The following SCP2 variants were observed in gnomAD, a reference collection of about 807,000 sequenced individuals.
SCP2 encodes SCP-2/3-oxoacyl-CoA thiolase.
Under a neutral mutation model 71.4 loss-of-function variants are expected in SCP2, and 48 were observed. The observed-to-expected ratio is 0.67, with a 90% CI of 0.53 to 0.86. SCP2 has a LOEUF of 0.86. SCP2 is among the 40% of genes least tolerant of loss of function. The pLI, the probability that SCP2 is intolerant of heterozygous loss-of-function variation, is 0.00. For missense variants in SCP2, 560 were observed against 655.6 expected, an observed-to-expected ratio of 0.85 and a Z score of 1.59; for synonymous variants, 220 against 218.1, an observed-to-expected ratio of 1.01 and a Z score of -0.08.
chr1:52,994,468 C>T (rs920099724), intron 11 of SCP2: 1 of 176,690 alleles, frequency 5.7e-6, no homozygotes, highest in Non-Finnish European at 1.1e-5. Context: ...CTGAAATACT[C>T]AGAAATCATG....
chr1:53,038,413 G>C (rs1663178753), intron 13 of SCP2, among the ~76,000 whole-genome samples: 1 of 151,824 alleles, frequency 6.6e-6, no homozygotes, highest in Admixed American at 6.6e-5. Flanking sequence ...AGCCCTTTTT[G>C]TTCTTTTTTG....
chr1:52,982,615 G>T (rs778681434), intron 10 of SCP2, among the ~76,000 whole-genome samples: 1 of 152,094 alleles, frequency 6.6e-6, no homozygotes, highest in African/African-American at 2.4e-5. Flanking sequence ...GAACCACTGC[G>T]ATAAGAATTA....
At chr1:52,996,425 G>A (rs966229468) in intron 11 of SCP2, among the ~76,000 whole-genome samples, 2 of 152,226 alleles carry the variant, frequency 1.3e-5, no homozygotes, top group Non-Finnish European at 2.9e-5. Context: ...AAGGTGGCAG[G>A]TAGAAGTCAC....
rs1307163733 is a variant in SCP2, at chr1:52,963,776, ACTT to A, written c.523+2153_523+2155del. 10 of 152,192 alleles carry A rather than the reference ACTT, an allele frequency of 6.6e-5. No homozygotes were observed. The South Asian group carries it at 1.2e-3, about 19-fold the overall frequency. 9.4% of individuals were successfully genotyped at this position (152,192 alleles called of 1,614,324 possible). Reference sequence around the variant, plus strand: ...ACCTGAAGCTTGGAGAATTTGAGTAACTTCTTCTAATAGGTGATAGGAGAGGGT... The same window carrying A: ...ACCTGAAGCTTGGAGAATTTGAGTAACTTCTAATAGGTGATAGGAGAGGGT... On this transcript the variant is annotated intron_variant, in intron 6 of 15. Transcript: ENST00000371514.
rs747622162 is a variant in SCP2, at chr1:52,978,286, A to G, written c.744A>G (p.Gln248=). The G allele has an allele frequency of 1.2e-6, 2 of 1,614,120 alleles. No homozygotes were observed. Among genetic ancestry groups the G allele is most frequent in the South Asian group, 2.2e-5 (2 of 91,080 alleles). Residue 248 remains glutamine (Q), a synonymous_variant, in exon 9 of 16, where the codon CAA becomes CAG. Coordinates refer to ENST00000371514, the MANE Select transcript of SCP2 (RefSeq NM_002979.5). The part of the protein sequence containing the change: ...SEAFVQKYGL[Q]SKAVEILAQE... ...CATTTGTACAGAAGTATGGCCTGCA[A>G]TCCAAAGCTGTGGAAATTTTGGCAC...
At chr1:52,950,671 A>G (rs1039776421) in intron 3 of SCP2, 84 bp from the exon 4 acceptor site, 8 of 1,091,416 alleles carry the variant, frequency 7.3e-6, no homozygotes, top group African/African-American at 1.5e-5. Context: ...CAAAGGTATA[A>G]TATTGAAAAA....
At chr1:52,991,552 C>T (rs894044181) in intron 11 of SCP2, among the ~76,000 whole-genome samples, 1 of 152,170 alleles carries the variant, frequency 6.6e-6, no homozygotes, top group African/African-American at 2.4e-5. Flanking sequence ...GGGCATGTGC[C>T]ACCACGCCCA....
chr1:52,970,431 G>T (rs773186661), intron 6 of SCP2, among the ~76,000 whole-genome samples: 12 of 151,988 alleles, frequency 7.9e-5, no homozygotes, highest in Non-Finnish European at 1.6e-4. Flanking sequence ...CTCCTTCACC[G>T]CTCAATTGCA....
chr1:52,947,241 T>TAAAAAA, intron 2 of SCP2, among the ~76,000 whole-genome samples: 1 of 54,422 alleles, frequency 1.8e-5, no homozygotes, highest in Non-Finnish European at 3.3e-5. Flanking sequence ...ATGTTGTCCT[T>TAAAAAA]AAAAAAAAAA....
chr1:52,944,017 G>GC (rs140551911), intron 2 of SCP2: 6,828 of 212,506 alleles, frequency 0.032, 407 homozygotes, highest in African/African-American at 0.13. Flanking sequence ...AGGGGCAGCA[G>GC]TGCTGGAACA....
chr1:53,019,763 T>C (rs964396094), intron 12 of SCP2, among the ~76,000 whole-genome samples: 2 of 152,252 alleles, frequency 1.3e-5, no homozygotes, highest in Admixed American at 6.5e-5. Flanking sequence ...ATGTGATGTA[T>C]ATCTGTTTCC....
intron 11 of SCP2, among the ~76,000 whole-genome samples, chr1:53,006,892 C>T (rs563586315): frequency 4.1e-4 from 61 of 148,892 alleles, no homozygotes; most frequent in African/African-American, 1.4e-3. Context: ...ACCCATCTCA[C>T]GTGCAGAGAC....
intron 5 of SCP2, among the ~76,000 whole-genome samples, chr1:52,957,735 A>G (rs964497676): frequency 6.6e-6 from 1 of 152,212 alleles, no homozygotes; most frequent in Non-Finnish European, 1.5e-5. Flanking sequence ...CTAAAAAGCC[A>G]ATGCCAAACC....
At chr1:52,928,491 T>A (rs1432088126) in intron 1 of SCP2, among the ~76,000 whole-genome samples, 2 of 152,190 alleles carry the variant, frequency 1.3e-5, no homozygotes, top group African/African-American at 4.8e-5. Flanking sequence ...CAGTCCAACA[T>A]GTAAATAGGC....
chr1:52,995,161 C>T (rs1014634755), intron 11 of SCP2: 2 of 492,182 alleles, frequency 4.1e-6, no homozygotes, highest in East Asian at 1.0e-4. Context: ...AATGGGTACT[C>T]TCTTTATCAG....
Position 53,050,856 on chromosome 1 carries a change from C to G in SCP2, c.*152C>G, listed in dbSNP as rs1023632957. ...ATGGGTGTGACCAATCCTGTTTTTC[C>G]TATGCTCTGGGTGAATAGAGCCTGA... On this transcript the variant is annotated 3_prime_UTR_variant, in exon 16 of 16. Coordinates refer to ENST00000371514, the MANE Select transcript of SCP2 (RefSeq NM_002979.5). The G allele has an allele frequency of 2.7e-5, 17 of 640,092 alleles. No individual in the cohort carries two copies. The highest frequency in any genetic ancestry group is 4.8e-5 in the Non-Finnish European group (17 of 356,252). 39.7% of individuals were successfully genotyped at this position (640,092 alleles called of 1,614,324 possible). A position where few individuals can be genotyped will look rare whatever the true frequency, so the allele number is the denominator to read the frequency against.
chr1:52,927,415 G>C lies in SCP2; in HGVS notation c.19G>C (p.Glu7Gln). MSSSPW[E>Q]PATLRRVFVV... ...TGCAGCCATGTCCTCTTCCCCGTGG[G>C]AGCCTGCGACCCTGCGCCGGGTGTT... is the stretch of plus-strand genomic sequence containing the variant. Residue 7 changes from glutamate to glutamine, a missense_variant, in exon 1 of 16, where the codon GAG becomes CAG. This residue lies in a region of SCP2 where 513 missense variants were observed against 573.1 expected (regional missense o/e 0.90). Transcript: ENST00000371514. 1 of 1,599,670 alleles carries C rather than the reference G, an allele frequency of 6.3e-7. No individual in the cohort carries two copies. Among genetic ancestry groups the C allele is most frequent in the Non-Finnish European group, 8.5e-7 (1 of 1,174,202 alleles).
At chr1:52,994,228 C>CTT (rs1659764560) in intron 11 of SCP2, 1 of 1,016,032 alleles carries the variant, frequency 9.8e-7, no homozygotes, top group Non-Finnish European at 1.2e-6. Flanking sequence ...GGTATGGTCA[C>CTT]TGAAGCCTTT....
At chr1:52,960,528 G>A (rs143565785) in intron 5 of SCP2, among the ~76,000 whole-genome samples, 6,724 of 139,610 alleles carry the variant, frequency 0.048, 276 homozygotes, top group East Asian at 0.19. Context: ...GTATATGTGT[G>A]TATATATATG....
Sources: gnomAD v4.1 joint callset for allele counts (sites outside exome capture counted in the v4.1 genomes callset) on GRCh38, gnomAD v4.1.1 for gene constraint, gnomAD v4.1.1 regional missense constraint, MANE v1.5 for transcripts, NCBI Gene and HGNC (gene_info 2026-07-23, HGNC 2026-07-21) for gene names.